Variants in SUGCT observed in about 807,000 individuals in gnomAD.
SUGCT encodes succinyl-CoA:glutarate-CoA transferase, also known as succinyl-CoA:glutarate CoA-transferase.
In SUGCT, 41 loss-of-function variants were observed where a neutral mutation model predicts 55.0. That is an observed-to-expected ratio of 0.74 (90% CI 0.58 to 0.97). SUGCT has a LOEUF of 0.97. Ranked by LOEUF, SUGCT falls within the 50% of genes least tolerant of loss-of-function variation. The probability of loss-of-function intolerance (pLI) is 0.00; values close to 1 mark genes in which losing one functional copy is unlikely to be tolerated. For synonymous variants in SUGCT, 187 were observed against 200.4 expected (o/e 0.93, Z 0.56); for missense variants, 568 against 547.8 (o/e 1.04, Z -0.37).
chr7:40,714,692 A>G (rs1265496689), intron 12 of SUGCT, among the ~76,000 whole-genome samples: 2 of 152,234 alleles, frequency 1.3e-5, no homozygotes, highest in African/African-American at 4.8e-5. Context: ...CAATTAAGTC[A>G]CAAATAGTTT....
intron 1 of SUGCT, among the ~76,000 whole-genome samples, chr7:40,143,449 A>T (rs1000132382): frequency 1.3e-5 from 2 of 152,216 alleles, no homozygotes; most frequent in Non-Finnish European, 2.9e-5. Context: ...ACAACTTGTT[A>T]CTCTAGGCTG....
intron 9 of SUGCT, among the ~76,000 whole-genome samples, chr7:40,432,178 C>T (rs1488934533): frequency 6.6e-6 from 1 of 152,026 alleles, no homozygotes; most frequent in Non-Finnish European, 1.5e-5. Flanking sequence ...AGTGAAGTGA[C>T]TTTTATTATG....
intron 12 of SUGCT, among the ~76,000 whole-genome samples, chr7:40,718,308 A>C (rs1459581532): frequency 6.6e-6 from 1 of 152,210 alleles, no homozygotes; most frequent in Admixed American, 6.5e-5. Flanking sequence ...TTGAGAAGAA[A>C]CCCGGGACTT....
Position 40,710,340 on chromosome 7 carries a change from T to C in SUGCT, c.1090-39094T>C, listed in dbSNP as rs144507692. On this transcript the variant is annotated intron_variant, in intron 12 of 13. Coordinates refer to ENST00000335693, the MANE Select transcript of SUGCT (RefSeq NM_001193313.2). Reference sequence around the variant, plus strand: ...TTACTGAGAAGCCATTTGTAAATTTTTATTCTACAAGTATTAGGAACAAAT... The same window carrying C: ...TTACTGAGAAGCCATTTGTAAATTTCTATTCTACAAGTATTAGGAACAAAT... Among the ~76,000 whole-genome samples, 680 of 152,326 alleles carry C rather than the reference T, an allele frequency of 4.5e-3. 3 individuals are homozygous for C. Among genetic ancestry groups the C allele is most frequent in the Middle Eastern group, 0.01 (3 of 294 alleles).
At position 40,562,346 on chromosome 7, in the gene SUGCT, A is replaced by C. The variant is rs143094427; in HGVS notation, c.1089+65960A>C. ...TGCCACTTTATCTGGTAGAAAATGC[A>C]GGATGGGTCATTCCATGCTGAGTGA... On this transcript the variant is annotated intron_variant, in intron 12 of 13. Coordinates refer to ENST00000335693, the MANE Select transcript of SUGCT (RefSeq NM_001193313.2). Among the ~76,000 whole-genome samples the C allele has an allele frequency of 3.0e-3, 447 of 151,494 alleles. 6 individuals are homozygous for C. The East Asian group carries it at 0.03, about 10-fold the overall frequency.
intron 12 of SUGCT, among the ~76,000 whole-genome samples, chr7:40,533,243 T>C (rs999483778): frequency 6.6e-6 from 1 of 152,176 alleles, no homozygotes; most frequent in African/African-American, 2.4e-5. Context: ...CTATAAAATT[T>C]TTGCACATTC....
chr7:40,276,561 C>G (rs1023240184), intron 8 of SUGCT, among the ~76,000 whole-genome samples: 10 of 152,064 alleles, frequency 6.6e-5, no homozygotes, highest in African/African-American at 2.4e-4. Flanking sequence ...TGATTTTTAC[C>G]TAGGCTGCTT....
intron 13 of SUGCT, among the ~76,000 whole-genome samples, chr7:40,803,468 T>C (rs1419561055): frequency 6.6e-6 from 1 of 152,156 alleles, no homozygotes; most frequent in Non-Finnish European, 1.5e-5. Context: ...TTTTTCTGAC[T>C]CCAAAGCCTG....
intron 9 of SUGCT, among the ~76,000 whole-genome samples, chr7:40,329,862 C>T (rs1198911005): frequency 1.3e-5 from 2 of 152,178 alleles, no homozygotes; most frequent in South Asian, 2.1e-4. Flanking sequence ...CTTACAGCTA[C>T]TGATATACAC....
At chr7:40,200,915 A>T (rs1298312162) in intron 6 of SUGCT, among the ~76,000 whole-genome samples, 1 of 152,138 alleles carries the variant, frequency 6.6e-6, no homozygotes, top group Non-Finnish European at 1.5e-5. Context: ...GCCCAAATGG[A>T]TGAGGCAAAT....
chr7:40,666,821 G>C (rs1439957629), intron 12 of SUGCT, among the ~76,000 whole-genome samples: 1 of 152,160 alleles, frequency 6.6e-6, no homozygotes, highest in East Asian at 1.9e-4. Context: ...TATCAAGAAA[G>C]ATGTTAAAGT....
chr7:40,216,282 A>G (rs979569603), intron 6 of SUGCT, among the ~76,000 whole-genome samples: 2 of 152,000 alleles, frequency 1.3e-5, no homozygotes, highest in Non-Finnish European at 2.9e-5. Flanking sequence ...CAGGCGGATC[A>G]CCTGAGGTCA....
At chr7:40,247,951 T>G (rs932249314) in intron 7 of SUGCT, among the ~76,000 whole-genome samples, 2 of 152,126 alleles carry the variant, frequency 1.3e-5, no homozygotes, top group African/African-American at 4.8e-5. Context: ...TTGCTTACCC[T>G]TAGTTTTGAA....
chr7:40,607,195 C>T (rs1340858780), intron 12 of SUGCT, among the ~76,000 whole-genome samples: 1 of 151,678 alleles, frequency 6.6e-6, no homozygotes, highest in Non-Finnish European at 1.5e-5. Flanking sequence ...GCCTCAACCT[C>T]TGGGCTCAAG....
intron 12 of SUGCT, among the ~76,000 whole-genome samples, chr7:40,671,737 T>G (rs778467550): frequency 1.3e-5 from 2 of 152,178 alleles, no homozygotes; most frequent in Non-Finnish European, 2.9e-5. Flanking sequence ...ACTGTATTCA[T>G]AAATTAGAAG....
chr7:40,945,941 G>A, the SUGCT span, among the ~76,000 whole-genome samples: 1 of 152,154 alleles, frequency 6.6e-6, no homozygotes, highest in East Asian at 1.9e-4. Flanking sequence ...TCTGATGGGG[G>A]TGGCAGAGGA....
the SUGCT span, among the ~76,000 whole-genome samples, chr7:40,917,471 C>T: frequency 3.7e-3 from 566 of 152,210 alleles, 5 homozygotes; most frequent in Non-Finnish European, 6.3e-3. Context: ...CTGGGATGTA[C>T]GCAGCCACCC....
At chr7:40,882,277 C>T in the SUGCT span, among the ~76,000 whole-genome samples, 5 of 152,206 alleles carry the variant, frequency 3.3e-5, no homozygotes, top group Admixed American at 3.3e-4. Context: ...GCTCTGTTTA[C>T]TTCTATTCAG....
At chr7:40,636,660 A>G (rs912901601) in intron 12 of SUGCT, among the ~76,000 whole-genome samples, 1 of 152,116 alleles carries the variant, frequency 6.6e-6, no homozygotes, top group Non-Finnish European at 1.5e-5. Flanking sequence ...ATGGGTACAG[A>G]GTTTCTATTT....
Sources: allele counts gnomAD v4.1 joint callset (sites outside exome capture counted in the v4.1 genomes callset), GRCh38; gene constraint gnomAD v4.1.1; transcripts MANE v1.5; gene names NCBI Gene and HGNC (gene_info 2026-07-23, HGNC 2026-07-21).